MAST1: variants seen among roughly 807,000 people sequenced by gnomAD.
MAST1 encodes microtubule associated serine/threonine kinase 1, also known as microtubule-associated serine/threonine-protein kinase 1.
Under a neutral mutation model 124.6 loss-of-function variants are expected in MAST1, and 40 were observed. That is an observed-to-expected ratio of 0.32 (90% CI 0.25 to 0.42). The LOEUF (loss-of-function observed/expected upper bound fraction) is 0.42. Ranked by LOEUF, MAST1 falls within the 10% of genes least tolerant of loss-of-function variation. The pLI is 1.00. For synonymous variants in MAST1, 938 were observed against 939.4 expected, an observed-to-expected ratio of 1.00 and a Z score of 0.03; for missense variants, 1,558 against 2,181.9, an observed-to-expected ratio of 0.71 and a Z score of 5.70.
rs1350944558 is a variant in MAST1, at chr19:12,867,515, G to A, written c.2181G>A (p.Lys727=). Residue 727 remains lysine, a synonymous_variant, in exon 19 of 26, where the codon AAG becomes AAA. Transcript: ENST00000251472. ...SMEQLSQHEP[K]TPVAAAGSSK... Reference sequence around the variant, plus strand: ...AGCAGCTGTCGCAGCACGAGCCCAAGACCCCAGTAGCAGCTGCAGGGAGCA... The same window carrying A: ...AGCAGCTGTCGCAGCACGAGCCCAAAACCCCAGTAGCAGCTGCAGGGAGCA... 6.2e-7 allele frequency: 1 copy of A among 1,613,792 alleles called. No individual in the cohort carries two copies. Among genetic ancestry groups the A allele is most frequent in the Non-Finnish European group, 8.5e-7 (1 of 1,180,018 alleles).
rs752912084 is a variant in MAST1 at position 12,865,280 on chromosome 19, C to G, written c.1639-36C>G. 6.3e-6 allele frequency: 10 copies of G among 1,579,102 alleles called. 1 individual carries two copies. The African/African-American group carries it at 8.1e-5, about 13-fold the overall frequency. On this transcript the variant is annotated intron_variant, in intron 14 of 25. Transcript: ENST00000251472. The surrounding 1 kb of genome is among the most constrained non-coding windows in gnomAD (Gnocchi z 7.1). ...GCACAGCTCTCCCTTGAGGGCCCTC[C>G]TCTGGCTGGGGCGTGGGCTGACAGC...
intron 12 of MAST1, among the ~76,000 whole-genome samples, chr19:12,864,207 G>C (rs2014639): frequency 0.28 from 41,750 of 151,810 alleles, 6,282 homozygotes; most frequent in East Asian, 0.61. Context: ...GATTTCAGGC[G>C]TGAGCTACCA....
At chr19:12,863,757 A>C (rs909717667) in intron 12 of MAST1, among the ~76,000 whole-genome samples, 1 of 152,196 alleles carries the variant, frequency 6.6e-6, no homozygotes, top group African/African-American at 2.4e-5. Context: ...TAGGATAAAA[A>C]GGAAATAGAT....
intron 12 of MAST1, among the ~76,000 whole-genome samples, chr19:12,863,059 GA>G (rs1219357070): frequency 6.9e-6 from 1 of 145,604 alleles, no homozygotes; most frequent in Admixed American, 7.3e-5. Context: ...TGAGGAACAA[GA>G]ATCTCTTGAA....
chr19:12,860,962 A>G (rs978014541), intron 12 of MAST1, among the ~76,000 whole-genome samples: 1 of 152,048 alleles, frequency 6.6e-6, no homozygotes, highest in Non-Finnish European at 1.5e-5. Context: ...TGCCAGTGAC[A>G]CAGAGGAGAC....
At chr19:12,852,074 C>T (rs767333066) in intron 8 of MAST1, 39 bp downstream of exon 8, 2 of 1,613,546 alleles carry the variant, frequency 1.2e-6, no homozygotes, top group Non-Finnish European at 1.7e-6. Context: ...GGTTGGTAGA[C>T]CCTGGGAGCC....
chr19:12,846,621 A>C (rs1482256826), intron 4 of MAST1, among the ~76,000 whole-genome samples: 1 of 152,034 alleles, frequency 6.6e-6, no homozygotes, highest in Non-Finnish European at 1.5e-5. Flanking sequence ...TTGTGCCTGT[A>C]ATCTCAGCAC....
In MAST1 at chr19:12,865,712, T is replaced by C. The variant is rs1251399935; in HGVS notation, c.1805-5T>C. On this transcript the variant is annotated splice_region_variant and splice_polypyrimidine_tract_variant and intron_variant, in intron 15 of 25. Coordinates refer to ENST00000251472, the MANE Select transcript of MAST1 (RefSeq NM_014975.3). This position sits in a 1 kb window ranked among gnomAD's most constrained non-coding sequence, Gnocchi z 7.1. ...ACCGCCCCTAAGTTCCGTTTTGTTT[T>C]GCAGATGACATCCTGTGGCCCGAGG... 6.2e-7 allele frequency: 1 copy of C among 1,604,518 alleles called. No individual in the cohort carries two copies. The highest frequency in any genetic ancestry group is 8.5e-7 in the Non-Finnish European group (1 of 1,175,830).
At chr19:12,859,586 G>A (rs1315099569) in intron 12 of MAST1, among the ~76,000 whole-genome samples, 1 of 151,828 alleles carries the variant, frequency 6.6e-6, no homozygotes, top group Non-Finnish European at 1.5e-5. Context: ...AGATCACAAG[G>A]TCAGGGGTTC....
At chr19:12,852,938 CT>C (rs1969980477) in intron 10 of MAST1, among the ~76,000 whole-genome samples, 1 of 151,854 alleles carries the variant, frequency 6.6e-6, no homozygotes, top group Admixed American at 6.6e-5. Context: ...ATTTAATTTA[CT>C]TTTTTAACCA....
At position 12,874,182 on chromosome 19, in the gene MAST1, C is replaced by G. The variant is rs777086029; in HGVS notation, c.4025C>G (p.Ala1342Gly). 6.5e-6 allele frequency: 10 copies of G among 1,542,108 alleles called. No individual in the cohort carries two copies. Among genetic ancestry groups the G allele is most frequent in the Middle Eastern group, 1.7e-4 (1 of 6,002 alleles). ...CAGGAGTCACCTTTGAGCCTGGGCG[C>G]GGACCCGTTGCTGCCCGAGGGTGCC... is the stretch of plus-strand genomic sequence containing the variant. ...GRQESPLSLGADPLLPEGASR... is the reference protein window; with the variant it reads ...GRQESPLSLGGDPLLPEGASR... Residue 1342 changes from alanine (A) to glycine (G), a missense_variant, in exon 26 of 26, where the codon GCG becomes GGG. Coordinates refer to ENST00000251472, the MANE Select transcript of MAST1 (RefSeq NM_014975.3). This position sits in a 1 kb window ranked among gnomAD's most constrained non-coding sequence, Gnocchi z 6.6.
chr19:12,852,296 C>G lies in MAST1; in HGVS notation c.1010-32C>G, dbSNP rs200923677. The G allele has an allele frequency of 2.6e-5, 42 of 1,614,112 alleles. No homozygotes were observed. The East Asian group carries it at 6.0e-4, about 23-fold the overall frequency. Reference sequence around the variant, plus strand: ...GACTGGGGGTGAGCAGGCCCAGAACCCAGCTCGTGCTCACTCTCAGTCCCT... The same window carrying G: ...GACTGGGGGTGAGCAGGCCCAGAACGCAGCTCGTGCTCACTCTCAGTCCCT... On this transcript the variant is annotated intron_variant, in intron 9 of 25. Transcript: ENST00000251472.
At chr19:12,861,117 C>T (rs1444244916) in intron 12 of MAST1, among the ~76,000 whole-genome samples, 1 of 152,074 alleles carries the variant, frequency 6.6e-6, no homozygotes, top group Non-Finnish European at 1.5e-5. Flanking sequence ...GGCTGGAGTG[C>T]CGTGGCGCAA....
In MAST1 at chr19:12,869,111, G is replaced by C; in HGVS notation, c.2819G>C (p.Arg940Pro). Residue 940 changes from arginine (R) to proline (P), a missense_variant, in exon 22 of 26, where the codon CGA becomes CCA. Physicochemically the swap from Arg to Pro is moderately radical, Grantham distance 103. This residue lies in a region of MAST1 where 291 missense variants were observed against 475.8 expected (regional missense o/e 0.61). Transcript: ENST00000251472. ...CCCCTTGCTAGTCCCATGTCTCCAC[G>C]ATCTCTGTCCTCCAACCCATCCTCA... is the stretch of plus-strand genomic sequence containing the variant. ...SSPLASPMSP[R>P]SLSSNPSSRD... The C allele has an allele frequency of 6.2e-7, 1 of 1,614,170 alleles. No homozygotes were observed. The highest frequency in any genetic ancestry group is 8.5e-7 in the Non-Finnish European group (1 of 1,180,038).
chr19:12,846,857 C>G (rs982668137), intron 4 of MAST1, among the ~76,000 whole-genome samples: 1 of 89,822 alleles, frequency 1.1e-5, no homozygotes. Context: ...GCAACAAGAA[C>G]GAAACTCCAT....
In MAST1 at chr19:12,867,565, G is replaced by A. The variant is rs1406022719; in HGVS notation, c.2231G>A (p.Gly744Asp). Residue 744 changes from glycine to aspartate, a missense_variant, in exon 19 of 26, where the codon GGC becomes GAC. Gly to Asp is a moderately conservative substitution (Grantham distance 94). Transcript: ENST00000251472. ...AGCAAGCGGGAGCCGAGCACCAAGG[G>A]CCCCGAGGAGAAGGTGGCCGGCAAG... Reference protein sequence around the residue: ...GSSKREPSTKGPEEKVAGKRE... With the variant: ...GSSKREPSTKDPEEKVAGKRE... 5 of 1,613,584 alleles carry A rather than the reference G, an allele frequency of 3.1e-6. No homozygotes were observed. The highest frequency in any genetic ancestry group is 2.2e-5 in the East Asian group (1 of 44,852).
chr19:12,847,224 G>C lies in MAST1; in HGVS notation c.328-66G>C, dbSNP rs781369587. On this transcript the variant is annotated intron_variant, in intron 4 of 25. Coordinates refer to ENST00000251472, the MANE Select transcript of MAST1 (RefSeq NM_014975.3). This position sits in a 1 kb window ranked among gnomAD's most constrained non-coding sequence, Gnocchi z 5.5. ...GACCCCATCGGCTTTGGGAGTCCCA[G>C]CTCAGGGTCCTGAGCTGTTGGGGGG... 3 of 1,111,846 alleles carry C rather than the reference G, an allele frequency of 2.7e-6. No individual in the cohort carries two copies. Among genetic ancestry groups the C allele is most frequent in the Non-Finnish European group, 4.0e-6 (3 of 755,328 alleles). The allele number at this position is 1,111,846 out of a possible 1,614,324, so 68.9% of individuals were successfully genotyped here.
intron 12 of MAST1, among the ~76,000 whole-genome samples, chr19:12,864,069 C>T (rs1019884934): frequency 3.3e-5 from 5 of 152,110 alleles, no homozygotes; most frequent in South Asian, 2.1e-4. Flanking sequence ...GGATTACAGC[C>T]GTCTGCCAAC....
intron 4 of MAST1, among the ~76,000 whole-genome samples, chr19:12,845,305 T>C (rs1446580306): frequency 7.1e-6 from 1 of 141,754 alleles, no homozygotes; most frequent in Non-Finnish European, 1.5e-5. Flanking sequence ...CCAGGCATGG[T>C]GGCTCACACC....
Sources: gnomAD v4.1 joint callset for allele counts (sites outside exome capture counted in the v4.1 genomes callset) on GRCh38, gnomAD v4.1.1 for gene constraint, gnomAD v4.1.1 regional missense constraint, Gnocchi (gnomAD v3.1) non-coding constraint, MANE v1.5 for transcripts, NCBI Gene and HGNC (gene_info 2026-07-23, HGNC 2026-07-21) for gene names.